Variants in CSMD1 observed in about 807,000 individuals in gnomAD.
The protein encoded by CSMD1 is CUB and sushi domain-containing protein 1.
Under a neutral mutation model 417.5 loss-of-function variants are expected in CSMD1, and 213 were observed. That is an observed-to-expected ratio of 0.51 (90% CI 0.46 to 0.57). CSMD1 has a LOEUF of 0.57. Among genes scored for constraint, CSMD1 ranks in the 20% least tolerant of loss-of-function variants. The pLI, the probability that CSMD1 is intolerant of heterozygous loss-of-function variation, is 0.00. For missense variants in CSMD1, 6,923 were observed against 4,529.7 expected, an observed-to-expected ratio of 1.53 and a Z score of -15.17; for synonymous variants, 2,862 against 1,736.8, an observed-to-expected ratio of 1.65 and a Z score of -16.11.
chr8:3,314,731 C>G (rs924736), intron 23 of CSMD1, among the ~76,000 whole-genome samples: 137,714 of 152,218 alleles, frequency 0.9, 62,625 homozygotes, highest in Middle Eastern at 0.96. Context: ...TCTTAATATT[C>G]TTAAGAATTA....
chr8:4,119,491 T>C (rs13270475), intron 3 of CSMD1, among the ~76,000 whole-genome samples: 33,413 of 152,120 alleles, frequency 0.22, 3,873 homozygotes, highest in Non-Finnish European at 0.23. Context: ...AAACTCGTAA[T>C]CCTCAATGTC....
At chr8:4,792,739 C>T (rs1031690316) in intron 1 of CSMD1, among the ~76,000 whole-genome samples, 4 of 152,138 alleles carry the variant, frequency 2.6e-5, no homozygotes, top group African/African-American at 9.7e-5. Context: ...CATTCAATTA[C>T]ACCGATGCCC....
At chr8:3,542,905 G>A (rs774904477) in intron 10 of CSMD1, among the ~76,000 whole-genome samples, 8 of 152,182 alleles carry the variant, frequency 5.3e-5, no homozygotes, top group Non-Finnish European at 1.2e-4. Flanking sequence ...ATGCGGTGGA[G>A]ACACCGTCCT....
At chr8:3,491,796 C>A (rs991310273) in intron 11 of CSMD1, among the ~76,000 whole-genome samples, 1 of 152,182 alleles carries the variant, frequency 6.6e-6, no homozygotes, top group African/African-American at 2.4e-5. Flanking sequence ...CTACCCGGGG[C>A]AAGATTCCTC....
At chr8:4,617,406 C>A (rs941734647) in intron 2 of CSMD1, among the ~76,000 whole-genome samples, 4 of 152,096 alleles carry the variant, frequency 2.6e-5, no homozygotes, top group South Asian at 2.1e-4. Context: ...CCCTGTCATT[C>A]CATATTTTAA....
chr8:4,110,199 A>G (rs541639054), intron 3 of CSMD1, among the ~76,000 whole-genome samples: 1 of 152,318 alleles, frequency 6.6e-6, no homozygotes, highest in East Asian at 1.9e-4. Context: ...AATAAAATTT[A>G]AAATCTAGAG....
At chr8:3,204,726 T>A (rs1418111237) in intron 31 of CSMD1, among the ~76,000 whole-genome samples, 1 of 152,238 alleles carries the variant, frequency 6.6e-6, no homozygotes, top group East Asian at 1.9e-4. Context: ...CTGCTTTATA[T>A]GCAGAGTGAG....
chr8:4,139,279 T>C (rs554035309), intron 3 of CSMD1, among the ~76,000 whole-genome samples: 1 of 152,196 alleles, frequency 6.6e-6, no homozygotes, highest in Admixed American at 6.5e-5. Context: ...TGTTGCATAA[T>C]TGGCACCCTG....
intron 2 of CSMD1, among the ~76,000 whole-genome samples, chr8:4,570,636 A>G (rs1798846611): frequency 6.6e-6 from 1 of 152,110 alleles, no homozygotes; most frequent in Non-Finnish European, 1.5e-5. Context: ...AGGTTTTGGT[A>G]TTTGGATGAT....
intron 49 of CSMD1, among the ~76,000 whole-genome samples, chr8:3,060,739 T>C (rs1191049779): frequency 6.6e-6 from 1 of 152,176 alleles, no homozygotes; most frequent in Non-Finnish European, 1.5e-5. Context: ...GTTTTCAATA[T>C]GATAGTATTA....
At chr8:2,971,440 C>G (rs1429167679) in intron 57 of CSMD1, among the ~76,000 whole-genome samples, 1 of 152,106 alleles carries the variant, frequency 6.6e-6, no homozygotes, top group African/African-American at 2.4e-5. Flanking sequence ...CTGCATGCCC[C>G]TAGGGTTTTG....
chr8:4,822,237 C>A (rs184095044), intron 1 of CSMD1, among the ~76,000 whole-genome samples: 3 of 152,148 alleles, frequency 2.0e-5, no homozygotes, highest in Admixed American at 2.0e-4. Flanking sequence ...TTACTTTCAC[C>A]GTACCACTTG....
At chr8:3,997,653 A>G (rs1336674837) in intron 5 of CSMD1, among the ~76,000 whole-genome samples, 1 of 152,182 alleles carries the variant, frequency 6.6e-6, no homozygotes, top group Admixed American at 6.5e-5. Flanking sequence ...CAGTCCAAAA[A>G]TGACAGCACT....
intron 11 of CSMD1, among the ~76,000 whole-genome samples, chr8:3,478,610 C>A (rs1817559316): frequency 6.6e-6 from 1 of 152,176 alleles, no homozygotes; most frequent in Admixed American, 6.5e-5. Context: ...GCCACTCCGA[C>A]TTGCTGTTTT....
rs531361562 is a variant in CSMD1, at chr8:3,179,197, G to A, written c.5725+1913C>T. The stretch of plus-strand genomic sequence containing the variant: ...CCTGACCTCGTGATCTGCCCGCCTT[G>A]GCCTCCCAAAGTGCTGGGATTACAG... On this transcript the variant is annotated intron_variant, in intron 37 of 69. Coordinates refer to ENST00000635120, the MANE Select transcript of CSMD1 (RefSeq NM_033225.6). Among the ~76,000 whole-genome samples, 658 of 151,878 alleles carry A rather than the reference G, an allele frequency of 4.3e-3. 5 individuals carry two copies. Among genetic ancestry groups the A allele is most frequent in the South Asian group, 0.033 (160 of 4,804 alleles).
rs561013992 is a variant in CSMD1 at position 4,532,598 on chromosome 8, A to G, written c.302+104744T>C. ...CACCCCCATTCAGTCACTCTGGAAG[A>G]GAAATCCTGCACCGCCATTCAGAGT... On this transcript the variant is annotated intron_variant, in intron 2 of 69. Coordinates refer to ENST00000635120, the MANE Select transcript of CSMD1 (RefSeq NM_033225.6). Among the ~76,000 whole-genome samples the G allele has an allele frequency of 5.2e-4, 77 of 148,268 alleles. 1 individual carries two copies. Among genetic ancestry groups the G allele is most frequent in the African/African-American group, 1.9e-3 (73 of 39,440 alleles).
chr8:4,429,417 C>T (rs1264528464), intron 2 of CSMD1, among the ~76,000 whole-genome samples: 1 of 152,096 alleles, frequency 6.6e-6, no homozygotes, highest in Non-Finnish European at 1.5e-5. Flanking sequence ...AAAAAGCATC[C>T]TCCTTTCACA....
In CSMD1 at chr8:4,324,692, C is replaced by G. The variant is rs1799456233; in HGVS notation, c.415+95261G>C. Among the ~76,000 whole-genome samples the G allele has an allele frequency of 4.6e-5, 7 of 152,186 alleles. No homozygotes were observed. The South Asian group carries it at 1.4e-3, about 31-fold the overall frequency. The stretch of plus-strand genomic sequence containing the variant: ...GCTCAGAGGATATAAGGGCAAAATC[C>G]AATTTGCCCTGTTTTCCATAAGGTG... On this transcript the variant is annotated intron_variant, in intron 3 of 69. Transcript: ENST00000635120.
chr8:4,038,186 A>T (rs530627239), intron 3 of CSMD1, among the ~76,000 whole-genome samples: 1 of 152,156 alleles, frequency 6.6e-6, no homozygotes, highest in Non-Finnish European at 1.5e-5. Flanking sequence ...GGGGATTTTT[A>T]TCTTCAACAA....
Sources: allele counts gnomAD v4.1 joint callset (sites outside exome capture counted in the v4.1 genomes callset), GRCh38; gene constraint gnomAD v4.1.1; transcripts MANE v1.5; gene names NCBI Gene and HGNC (gene_info 2026-07-23, HGNC 2026-07-21).